PNP: variants seen among roughly 807,000 people sequenced by gnomAD.
PNP encodes purine nucleoside phosphorylase.
PNP carries 18 observed loss-of-function variants against 26.8 expected under a neutral mutation model. That is an observed-to-expected ratio of 0.67 (90% confidence interval 0.46 to 1.00). The LOEUF is 1.00. Ranked by LOEUF, PNP falls within the 50% of genes least tolerant of loss-of-function variation. The probability of loss-of-function intolerance (pLI) is 0.00; values close to 1 mark genes in which losing one functional copy is unlikely to be tolerated. For missense variants in PNP, 320 were observed against 362.9 expected, an observed-to-expected ratio of 0.88 and a Z score of 0.96; for synonymous variants, 116 against 124.8, an observed-to-expected ratio of 0.93 and a Z score of 0.47.
intron 2 of PNP, chr14:20,473,930 C>A (rs540583974): frequency 2.5e-5 from 4 of 162,488 alleles, no homozygotes; most frequent in African/African-American, 9.6e-5. Flanking sequence ...GGATATACTG[C>A]GTGGTGGTGA....
Position 20,474,652 on chromosome 14 carries a change from A to T in PNP, c.285+77A>T, listed in dbSNP as rs747439632. The T allele has an allele frequency of 2.0e-6, 3 of 1,514,818 alleles. No homozygotes were observed. In the Admixed American group the frequency reaches 5.0e-5, roughly 25 times the overall value. The allele number at this position is 1,514,818 out of a possible 1,614,324, so 93.8% of individuals were successfully genotyped here. On this transcript the variant is annotated intron_variant, in intron 3 of 5. Coordinates refer to ENST00000361505, the MANE Select transcript of PNP (RefSeq NM_000270.4). ...ATCTAGCCTCTTTCACTACCTAGCTATCTGGGCTAGGTGGATTTTTGGTCC... is the reference window on the plus strand; with the variant it reads ...ATCTAGCCTCTTTCACTACCTAGCTTTCTGGGCTAGGTGGATTTTTGGTCC...
intron 2 of PNP, 169 bp from the exon 3 acceptor site, chr14:20,474,303 G>A: frequency 1.6e-6 from 1 of 636,448 alleles, no homozygotes; most frequent in Non-Finnish European, 2.8e-6. Flanking sequence ...AGTAATGCCT[G>A]GCTCTCTCAC....
At chr14:20,472,646 C>T in intron 2 of PNP, 169 bp downstream of exon 2, 1 of 713,964 alleles carries the variant, frequency 1.4e-6, no homozygotes. Flanking sequence ...TTAGGAGATG[C>T]CTCTAGCAGA....
Position 20,469,425 on chromosome 14 carries a change from G to A in PNP, c.-100G>A. 1 of 1,489,294 alleles carries A rather than the reference G, an allele frequency of 6.7e-7. No homozygotes were observed. Among genetic ancestry groups the A allele is most frequent in the Non-Finnish European group, 9.2e-7 (1 of 1,091,824 alleles). The allele number at this position is 1,489,294 out of a possible 1,614,324, so 92.3% of individuals were successfully genotyped here. A position where few individuals can be genotyped will look rare whatever the true frequency, so the allele number is the denominator to read the frequency against. ...TGAGCCAACTGTGCGAACCAGACCC[G>A]GCAGCCTTGCTCAGTTCAGCATAGC... On this transcript the variant is annotated 5_prime_UTR_variant, in exon 1 of 6. Coordinates refer to ENST00000361505, the MANE Select transcript of PNP (RefSeq NM_000270.4).
At chr14:20,475,298 G>A (rs1368549912) in intron 5 of PNP, 46 bp downstream of exon 5, 13 of 1,551,876 alleles carry the variant, frequency 8.4e-6, no homozygotes, top group Non-Finnish European at 1.1e-5. Context: ...GAGGGGTTTA[G>A]CAAAATGGGA....
chr14:20,475,509 G>A (rs1882084537), intron 5 of PNP, among the ~76,000 whole-genome samples: 1 of 152,152 alleles, frequency 6.6e-6, no homozygotes, highest in Non-Finnish European at 1.5e-5. Context: ...TTTTGAGACG[G>A]AATGTCGCTG....
Position 20,474,779 on chromosome 14 carries a change from T to A in PNP, c.292T>A (p.Phe98Ile). 5 of 1,614,124 alleles carry A rather than the reference T, an allele frequency of 3.1e-6. No individual in the cohort carries two copies. The highest frequency in any genetic ancestry group is 4.2e-6 in the Non-Finnish European group (5 of 1,179,996). ...YEGYPLWKVT[F>I]PVRVFHLLGV... Reference sequence around the variant, plus strand: ...CGGATTGTTTGCTTCGAAGGTGACATTCCCAGTGAGGGTTTTCCACCTTCT... The same window carrying A: ...CGGATTGTTTGCTTCGAAGGTGACAATCCCAGTGAGGGTTTTCCACCTTCT... Residue 98 changes from phenylalanine (F) to isoleucine (I), a missense_variant, in exon 4 of 6, where the codon TTC becomes ATC. Physicochemically the swap from Phe to Ile is conservative, Grantham distance 21. Coordinates refer to ENST00000361505, the MANE Select transcript of PNP (RefSeq NM_000270.4).
chr14:20,474,180 G>T (rs570606161), intron 2 of PNP: 2 of 375,814 alleles, frequency 5.3e-6, no homozygotes, highest in South Asian at 2.3e-5. Flanking sequence ...TGGCAGTATG[G>T]CTTGTATTAT....
intron 2 of PNP, 29 bp from the exon 3 acceptor site, chr14:20,474,443 A>T: frequency 6.4e-7 from 1 of 1,558,790 alleles, no homozygotes; most frequent in Non-Finnish European, 8.9e-7. Context: ...ATATAATCCC[A>T]TTCATTTCTC....
intron 1 of PNP, 45 bp downstream of exon 1, chr14:20,469,580 T>C (rs1361040831): frequency 1.3e-6 from 2 of 1,552,646 alleles, no homozygotes; most frequent in Non-Finnish European, 1.7e-6. Context: ...GAGGGGCAGG[T>C]GCTGTGACCC....
intron 1 of PNP, among the ~76,000 whole-genome samples, chr14:20,471,051 G>A (rs1292887502): frequency 6.6e-6 from 1 of 151,790 alleles, no homozygotes; most frequent in East Asian, 1.9e-4. Flanking sequence ...TTATTTTGGA[G>A]TCGGAGTCTC....
chr14:20,472,107 A>G (rs188559911), intron 1 of PNP, among the ~76,000 whole-genome samples: 1 of 152,156 alleles, frequency 6.6e-6, no homozygotes, highest in Admixed American at 6.6e-5. Flanking sequence ...AGGTAGTTTC[A>G]TATCAGACTT....
chr14:20,476,687 T>A lies in PNP; in HGVS notation c.*86T>A. The A allele has an allele frequency of 9.8e-7, 1 of 1,023,430 alleles. No homozygotes were observed. Among genetic ancestry groups the A allele is most frequent in the South Asian group, 1.3e-5 (1 of 76,610 alleles). The allele number at this position is 1,023,430 out of a possible 1,614,324, so 63.4% of individuals were successfully genotyped here. Reference sequence around the variant, plus strand: ...GCCCCTTGCTGGAGTCATGTGCCTCTGTCCTTAGGTTGTAGCAGAAAGGAA... The same window carrying A: ...GCCCCTTGCTGGAGTCATGTGCCTCAGTCCTTAGGTTGTAGCAGAAAGGAA... On this transcript the variant is annotated 3_prime_UTR_variant, in exon 6 of 6. Transcript: ENST00000361505.
intron 5 of PNP, among the ~76,000 whole-genome samples, chr14:20,476,057 C>T (rs1438747918): frequency 1.3e-5 from 2 of 152,234 alleles, no homozygotes; most frequent in Non-Finnish European, 2.9e-5. Flanking sequence ...CACTACAGTT[C>T]TGACTGCCTG....
At chr14:20,474,603 A>G in intron 3 of PNP, 28 bp downstream of exon 3, 1 of 1,597,828 alleles carries the variant, frequency 6.3e-7, no homozygotes. Context: ...GTCCGGTTGG[A>G]TCTGGAAGAG....
rs1198024375 is a variant in PNP at position 20,477,029 on chromosome 14, A to T, written c.*428A>T. On this transcript the variant is annotated 3_prime_UTR_variant, in exon 6 of 6. Coordinates refer to ENST00000361505, the MANE Select transcript of PNP (RefSeq NM_000270.4). ...CAGAGACCAAACAAGGACTAATCCAATACCTCTTGGATTTTATTTAATGTC... is the reference window on the plus strand; with the variant it reads ...CAGAGACCAAACAAGGACTAATCCATTACCTCTTGGATTTTATTTAATGTC... The T allele has an allele frequency of 1.6e-5, 4 of 253,924 alleles. No individual in the cohort carries two copies. Among genetic ancestry groups the T allele is most frequent in the Non-Finnish European group, 3.1e-5 (4 of 127,436 alleles). The allele number at this position is 253,924 out of a possible 1,614,324, so 15.7% of individuals were successfully genotyped here.
At chr14:20,470,338 C>A (rs1390053734) in intron 1 of PNP, among the ~76,000 whole-genome samples, 1 of 152,210 alleles carries the variant, frequency 6.6e-6, no homozygotes, top group Non-Finnish European at 1.5e-5. Context: ...TTCCTTTGCA[C>A]CTTTTGGGGA....
At chr14:20,475,946 T>G (rs550055528) in intron 5 of PNP, among the ~76,000 whole-genome samples, 1 of 152,296 alleles carries the variant, frequency 6.6e-6, no homozygotes, top group African/African-American at 2.4e-5. Flanking sequence ...TGTATTTATT[T>G]TAGGCAATAC....
chr14:20,469,951 G>T (rs1239301805), intron 1 of PNP, among the ~76,000 whole-genome samples: 1 of 152,190 alleles, frequency 6.6e-6, no homozygotes, highest in Non-Finnish European at 1.5e-5. Flanking sequence ...GTAAAGCTGC[G>T]AGGTACTTTT....
Sources: allele counts gnomAD v4.1 joint callset (sites outside exome capture counted in the v4.1 genomes callset), GRCh38; gene constraint gnomAD v4.1.1; transcripts MANE v1.5; gene names NCBI Gene and HGNC (gene_info 2026-07-23, HGNC 2026-07-21).